The following TDRD3 variants were observed in gnomAD, a reference collection of about 807,000 sequenced individuals.
The protein encoded by TDRD3 is tudor domain containing 3.
Under a neutral mutation model 86.7 loss-of-function variants are expected in TDRD3, and 45 were observed. That is an observed-to-expected ratio of 0.52 (90% CI 0.41 to 0.67). TDRD3 has a LOEUF of 0.67. TDRD3 is among the 30% of genes least tolerant of loss of function. The pLI, the probability that TDRD3 is intolerant of heterozygous loss-of-function variation, is 0.00. For synonymous variants in TDRD3, 298 were observed against 301.7 expected (o/e 0.99, Z 0.13); for missense variants, 814 against 889.0 (o/e 0.92, Z 1.07).
At chr13:60,498,339 T>C (rs1956761868) in intron 8 of TDRD3, among the ~76,000 whole-genome samples, 1 of 152,136 alleles carries the variant, frequency 6.6e-6, no homozygotes, top group African/African-American at 2.4e-5. Context: ...GTGGGAATAA[T>C]TGGATCCCAA....
chr13:60,498,319 T>C (rs1956761485), intron 8 of TDRD3, among the ~76,000 whole-genome samples: 1 of 152,130 alleles, frequency 6.6e-6, no homozygotes, highest in Non-Finnish European at 1.5e-5. Context: ...AACTACAAAA[T>C]TTAACTGCAG....
At chr13:60,397,544 G>A (rs1274013961) in intron 1 of TDRD3, 139 bp downstream of exon 1, 12 of 578,318 alleles carry the variant, frequency 2.1e-5, no homozygotes, top group Non-Finnish European at 3.0e-5. Context: ...GGCCCTTCGG[G>A]CCGGCTCCGC....
chr13:60,500,037 G>A (rs1170378705), intron 8 of TDRD3, among the ~76,000 whole-genome samples: 2 of 152,182 alleles, frequency 1.3e-5, no homozygotes, highest in African/African-American at 4.8e-5. Context: ...GGAGCCTTTC[G>A]CAGGCCGCCA....
At chr13:60,571,153 T>C (rs2138013968) in intron 13 of TDRD3, among the ~76,000 whole-genome samples, 1 of 152,268 alleles carries the variant, frequency 6.6e-6, no homozygotes, top group East Asian at 1.9e-4. Context: ...CACTACAAAA[T>C]TCACCCTAAA....
chr13:60,407,523 C>G (rs1318493994), intron 1 of TDRD3, among the ~76,000 whole-genome samples: 2 of 151,864 alleles, frequency 1.3e-5, no homozygotes, highest in Admixed American at 6.6e-5. Flanking sequence ...TATTTTCTAC[C>G]TTGTTTATAG....
chr13:60,567,404 CAT>C (rs905076348), intron 12 of TDRD3, 119 bp from the exon 13 acceptor site: 94 of 1,259,914 alleles, frequency 7.5e-5, no homozygotes, highest in East Asian at 3.2e-4. Context: ...TAAAAGTTGA[CAT>C]GTGTGAATTC....
chr13:60,418,440 C>T (rs1954577589), intron 1 of TDRD3, among the ~76,000 whole-genome samples: 2 of 151,996 alleles, frequency 1.3e-5, no homozygotes, highest in Non-Finnish European at 2.9e-5. Flanking sequence ...TCAAGTAAAC[C>T]AAGCTTCACT....
At chr13:60,560,768 A>G (rs1030195611) in intron 12 of TDRD3, among the ~76,000 whole-genome samples, 3 of 152,224 alleles carry the variant, frequency 2.0e-5, no homozygotes, top group Non-Finnish European at 2.9e-5. Context: ...ACTTTAGAAA[A>G]TATAGTATTT....
At chr13:60,571,595 A>G (rs1343238907) in intron 13 of TDRD3, among the ~76,000 whole-genome samples, 1 of 152,242 alleles carries the variant, frequency 6.6e-6, no homozygotes, top group African/African-American at 2.4e-5. Context: ...GTACTTCACT[A>G]GGTGATGAAT....
At chr13:60,476,344 C>T (rs1177234483) in intron 5 of TDRD3, among the ~76,000 whole-genome samples, 1 of 152,042 alleles carries the variant, frequency 6.6e-6, no homozygotes, top group Middle Eastern at 3.2e-3. Flanking sequence ...AAAGATCAGG[C>T]GTTTGTAGTT....
At chr13:60,509,179 T>C (rs531782585) in intron 8 of TDRD3, among the ~76,000 whole-genome samples, 1 of 152,310 alleles carries the variant, frequency 6.6e-6, no homozygotes, top group South Asian at 2.1e-4. Context: ...TGAATTCTAT[T>C]CAGGTCTAGA....
At position 60,397,321 on chromosome 13, in the gene TDRD3, A is replaced by G. The variant is rs1566160830; in HGVS notation, c.-44A>G. The stretch of plus-strand genomic sequence containing the variant: ...GTCTCAAGTAGGAGGCCTCCCCATC[A>G]CCCCCACCCCAGCCCCCCACCACCC... On this transcript the variant is annotated 5_prime_UTR_variant, in exon 1 of 14. Transcript: ENST00000377881. The G allele has an allele frequency of 2.7e-6, 3 of 1,113,174 alleles. No individual in the cohort carries two copies. The highest frequency in any genetic ancestry group is 3.6e-6 in the Non-Finnish European group (3 of 829,460). 69.0% of individuals were successfully genotyped at this position (1,113,174 alleles called of 1,614,324 possible).
At chr13:60,447,601 A>G (rs936234540) in intron 3 of TDRD3, among the ~76,000 whole-genome samples, 1 of 152,178 alleles carries the variant, frequency 6.6e-6, no homozygotes, top group African/African-American at 2.4e-5. Flanking sequence ...GATTCAATAA[A>G]TAAGGTAAGG....
rs74500342 is a variant in TDRD3 at position 60,547,645 on chromosome 13, G to A, written c.2118+12412G>A. On this transcript the variant is annotated intron_variant, in intron 12 of 13. Transcript: ENST00000377881. ...TAGCCTTCTTCTCCCCTATTCTGTA[G>A]TCTATTGTCCTCAAATATCCCTTTT... 2.6e-5 allele frequency among the ~76,000 whole-genome samples: 4 copies of A among 152,282 alleles called. No homozygotes were observed. The East Asian group carries it at 7.7e-4, about 29-fold the overall frequency.
chr13:60,462,592 C>A (rs73542964), intron 4 of TDRD3, among the ~76,000 whole-genome samples: 6,259 of 152,164 alleles, frequency 0.041, 428 homozygotes, highest in African/African-American at 0.14. Flanking sequence ...GGATGTGTTA[C>A]CTTACATGGG....
intron 3 of TDRD3, among the ~76,000 whole-genome samples, chr13:60,445,130 C>A (rs1314369348): frequency 2.6e-5 from 4 of 152,084 alleles, no homozygotes; most frequent in East Asian, 1.9e-4. Context: ...TTATTATATA[C>A]AAATATAAGA....
At chr13:60,449,425 C>G (rs557453348) in intron 3 of TDRD3, among the ~76,000 whole-genome samples, 1 of 151,966 alleles carries the variant, frequency 6.6e-6, no homozygotes, top group African/African-American at 2.4e-5. Flanking sequence ...TTCAACTTAC[C>G]TTTTTCTGTT....
At chr13:60,557,334 A>G (rs1184581205) in intron 12 of TDRD3, among the ~76,000 whole-genome samples, 1 of 152,202 alleles carries the variant, frequency 6.6e-6, no homozygotes, top group East Asian at 1.9e-4. Flanking sequence ...TATTTGCAAG[A>G]GGCAGAGCCA....
intron 12 of TDRD3, among the ~76,000 whole-genome samples, chr13:60,554,246 G>A (rs950639431): frequency 1.3e-5 from 2 of 152,198 alleles, no homozygotes; most frequent in African/African-American, 4.8e-5. Flanking sequence ...TCACTTCAGA[G>A]CAGCTTTTAA....
Sources: allele counts gnomAD v4.1 joint callset (sites outside exome capture counted in the v4.1 genomes callset), GRCh38; gene constraint gnomAD v4.1.1; transcripts MANE v1.5; gene names NCBI Gene and HGNC (gene_info 2026-07-23, HGNC 2026-07-21).